The following SPECC1 variants were observed in gnomAD, a reference collection of about 807,000 sequenced individuals.
SPECC1 encodes cytospin-B.
A neutral mutation model predicts 104.1 loss-of-function variants in SPECC1; 62 were observed. The ratio of observed to expected loss-of-function variants is 0.60; its 90% CI spans 0.49 to 0.74. The LOEUF is 0.74. SPECC1 is among the 30% of genes least tolerant of loss of function. The pLI, the probability that SPECC1 is intolerant of heterozygous loss-of-function variation, is 0.00. For missense variants in SPECC1, 1,306 were observed against 1,310.5 expected (o/e 1.00, Z 0.05); for synonymous variants, 513 against 501.6 (o/e 1.02, Z -0.30).
chr17:20,099,511 CAAAAAAAAA>C (rs56285234), intron 2 of SPECC1, among the ~76,000 whole-genome samples: 13 of 91,776 alleles, frequency 1.4e-4, no homozygotes, highest in Admixed American at 7.9e-4. Context: ...TGTCTTTACC[CAAAAAAAAA>C]AAAAAAAAAA....
At chr17:20,274,961 T>C (rs990639414) in intron 12 of SPECC1, among the ~76,000 whole-genome samples, 8 of 151,778 alleles carry the variant, frequency 5.3e-5, no homozygotes, top group African/African-American at 1.7e-4. Flanking sequence ...AATAATCACC[T>C]AAATGAGATT....
chr17:20,200,564 C>A (rs1202147831), intron 3 of SPECC1, among the ~76,000 whole-genome samples: 2 of 152,186 alleles, frequency 1.3e-5, no homozygotes, highest in African/African-American at 2.4e-5. Flanking sequence ...CTCCACTGTC[C>A]CTTATGTGGT....
Position 20,024,309 on chromosome 17 carries a change from C to T in SPECC1, c.-22+14885C>T, listed in dbSNP as rs912278203. Among the ~76,000 whole-genome samples, 6 of 152,178 alleles carry T rather than the reference C, an allele frequency of 3.9e-5. No homozygotes were observed. The East Asian group carries it at 7.7e-4, about 20-fold the overall frequency. ...TCTGGCAAATCTTTGCTGATTATAG[C>T]TTTTCATTCATCACGTCCTTTGTGA... On this transcript the variant is annotated intron_variant, in intron 1 of 14. Transcript: ENST00000395527.
intron 1 of SPECC1, among the ~76,000 whole-genome samples, chr17:20,068,309 A>G (rs926307339): frequency 2.0e-5 from 3 of 152,284 alleles, no homozygotes; most frequent in Non-Finnish European, 4.4e-5. Context: ...TCATCCATGT[A>G]TCGGTACATT....
At chr17:20,175,016 T>C (rs2034370489) in intron 3 of SPECC1, among the ~76,000 whole-genome samples, 1 of 152,128 alleles carries the variant, frequency 6.6e-6, no homozygotes, top group Non-Finnish European at 1.5e-5. Flanking sequence ...CACCCTGCAG[T>C]GTGGAGGGTG....
intron 7 of SPECC1, among the ~76,000 whole-genome samples, chr17:20,234,114 C>G (rs2038763210): frequency 6.6e-6 from 1 of 152,150 alleles, no homozygotes. Context: ...ATACGTCCTG[C>G]CAGTTTAGGA....
chr17:20,182,355 A>G (rs2034967675), intron 3 of SPECC1, among the ~76,000 whole-genome samples: 1 of 152,096 alleles, frequency 6.6e-6, no homozygotes, highest in Admixed American at 6.5e-5. Context: ...GACTCAAGTA[A>G]TCCGCCTTCA....
rs758151832 is a variant in SPECC1, at chr17:20,096,636, A to C, written c.-16A>C. ...TCTTTTCTGCTCTTTTGCAGGACAG[A>C]CCCACGAAGTCAAGCATGCGGAGTG... On this transcript the variant is annotated 5_prime_UTR_variant, in exon 2 of 15. Transcript: ENST00000395527. 6.2e-7 allele frequency: 1 copy of C among 1,605,968 alleles called. No homozygotes were observed. The highest frequency in any genetic ancestry group is 8.5e-7 in the Non-Finnish European group (1 of 1,175,000).
At chr17:20,116,765 C>T (rs546975567) in intron 3 of SPECC1, among the ~76,000 whole-genome samples, 1 of 144,806 alleles carries the variant, frequency 6.9e-6, no homozygotes, top group South Asian at 2.2e-4. Flanking sequence ...TTTTGTCCCC[C>T]AGTTCCAACC....
chr17:20,114,589 A>G (rs968033028), intron 3 of SPECC1, among the ~76,000 whole-genome samples: 2 of 151,288 alleles, frequency 1.3e-5, no homozygotes, highest in African/African-American at 4.9e-5. Context: ...TCTCCCTACC[A>G]ATGACCTGGT....
intron 3 of SPECC1, among the ~76,000 whole-genome samples, chr17:20,123,333 C>A (rs1347754740): frequency 6.6e-6 from 1 of 152,178 alleles, no homozygotes; most frequent in Non-Finnish European, 1.5e-5. Context: ...TTACTGTGGC[C>A]AAACTCTGAT....
chr17:20,111,784 G>A, intron 3 of SPECC1: 2 of 762,830 alleles, frequency 2.6e-6, no homozygotes, highest in Non-Finnish European at 4.8e-6. Flanking sequence ...TCGGGTGGGA[G>A]GGTGGTGGCT....
chr17:20,156,143 G>C (rs988744728), intron 3 of SPECC1: 3 of 1,414,942 alleles, frequency 2.1e-6, no homozygotes, highest in Non-Finnish European at 1.8e-6. Flanking sequence ...AGCTCGGCAC[G>C]GTGGACACCC....
chr17:20,041,192 C>T (rs1250318864), intron 1 of SPECC1, among the ~76,000 whole-genome samples: 1 of 152,092 alleles, frequency 6.6e-6, no homozygotes, highest in African/African-American at 2.4e-5. Flanking sequence ...TCTTTCCATT[C>T]AATTTGGTTA....
intron 1 of SPECC1, among the ~76,000 whole-genome samples, chr17:20,086,547 A>C (rs559642121): frequency 1.3e-5 from 2 of 152,178 alleles, no homozygotes; most frequent in Non-Finnish European, 1.5e-5. Context: ...CCATACAGCC[A>C]GTATGTGTCA....
intron 10 of SPECC1, among the ~76,000 whole-genome samples, chr17:20,256,015 C>T (rs532765383): frequency 6.6e-6 from 1 of 152,180 alleles, no homozygotes; most frequent in South Asian, 2.1e-4. Context: ...GTAGCTGGGA[C>T]TACAGGCGCC....
At chr17:20,244,519 G>A (rs926871347) in intron 7 of SPECC1, among the ~76,000 whole-genome samples, 1 of 152,036 alleles carries the variant, frequency 6.6e-6, no homozygotes, top group Non-Finnish European at 1.5e-5. Flanking sequence ...AGAAGGGACT[G>A]TGGAGTGAAG....
rs74906906 is a variant in SPECC1, at chr17:20,145,706, C to T, written c.283+35144C>T. Among the ~76,000 whole-genome samples the T allele has an allele frequency of 1.4e-4, 22 of 152,294 alleles. No individual in the cohort carries two copies. The East Asian group carries it at 4.1e-3, about 28-fold the overall frequency. ...AGGAAAATGGAATCACCAGGATTAACGTAGGCTGTGCATGAAGGATCTACT... is the reference window on the plus strand; with the variant it reads ...AGGAAAATGGAATCACCAGGATTAATGTAGGCTGTGCATGAAGGATCTACT... On this transcript the variant is annotated intron_variant, in intron 3 of 14. Coordinates refer to ENST00000395527, the MANE Select transcript of SPECC1 (RefSeq NM_001243439.2).
chr17:20,066,493 C>G (rs1297252688), intron 1 of SPECC1, among the ~76,000 whole-genome samples: 1 of 152,170 alleles, frequency 6.6e-6, no homozygotes, highest in Non-Finnish European at 1.5e-5. Flanking sequence ...GCTCCTGGAG[C>G]TTGGCTACCC....
Sources: gnomAD v4.1 joint callset for allele counts (sites outside exome capture counted in the v4.1 genomes callset) on GRCh38, gnomAD v4.1.1 for gene constraint, MANE v1.5 for transcripts, NCBI Gene and HGNC (gene_info 2026-07-23, HGNC 2026-07-21) for gene names.